The following PCDH19 variants were observed in gnomAD, a reference collection of about 807,000 sequenced individuals.
PCDH19 encodes protocadherin 19.
A neutral mutation model predicts 46.2 loss-of-function variants in PCDH19; 6 were observed. The observed-to-expected ratio is 0.13, with a 90% CI of 0.07 to 0.26. The LOEUF is 0.26. Among genes scored for constraint, PCDH19 ranks in the 10% least tolerant of loss-of-function variants. The pLI is 1.00. For missense variants in PCDH19, 740 were observed against 972.3 expected (o/e 0.76, Z 3.18); for synonymous variants, 481 against 415.7 (o/e 1.16, Z -1.91).
intron 5 of PCDH19, among the ~76,000 whole-genome samples, chrX:100,314,591 T>C (rs1925239218): frequency 8.9e-6 from 1 of 111,758 alleles, no homozygotes; most frequent in African/African-American, 3.2e-5. Context: ...GCTCTTGAAC[T>C]CTCCTGAGAG....
Position 100,408,787 on chromosome X carries a change from G to A in PCDH19, c.-190C>T, listed in dbSNP as rs1306566259. The stretch of plus-strand genomic sequence containing the variant: ...ACACCCGCGGCGGCTCCAATGCTGA[G>A]GTTGCGGCGGACGCGGCGGGGGCTC... On this transcript the variant is annotated 5_prime_UTR_variant, in exon 1 of 6. Coordinates refer to ENST00000373034, the MANE Select transcript of PCDH19 (RefSeq NM_001184880.2). 3 of 175,895 alleles carry A rather than the reference G, an allele frequency of 1.7e-5. No individual in the cohort carries two copies. The highest frequency in any genetic ancestry group is 3.1e-5 in the Non-Finnish European group (3 of 97,084). 14.5% of individuals were successfully genotyped at this position (175,895 alleles called of 1,213,427 possible).
At chrX:100,406,421 C>A (rs753752095) in intron 1 of PCDH19, 30 bp downstream of exon 1, 1 of 1,089,917 alleles carries the variant, frequency 9.2e-7, no homozygotes, top group East Asian at 3.1e-5. Context: ...CCTTATTCAT[C>A]CAAGACAAAG....
At chrX:100,365,289 A>G (rs1927038299) in intron 3 of PCDH19, among the ~76,000 whole-genome samples, 1 of 111,352 alleles carries the variant, frequency 9.0e-6, no homozygotes, top group African/African-American at 3.3e-5. Flanking sequence ...TGGCAGAGTC[A>G]GAGCAAGAAC....
At chrX:100,322,866 T>TATATATATA (rs1491391280) in intron 5 of PCDH19, among the ~76,000 whole-genome samples, 4 of 36,854 alleles carry the variant, frequency 1.1e-4, no homozygotes, top group South Asian at 7.2e-4. Flanking sequence ...TATATATATA[T>TATATATATA]TTTTGCAGCT....
intron 4 of PCDH19, among the ~76,000 whole-genome samples, chrX:100,344,304 C>A (rs1303655862): frequency 8.9e-6 from 1 of 112,188 alleles, no homozygotes; most frequent in African/African-American, 3.2e-5. Flanking sequence ...AATTATCTTA[C>A]AGTTCTTTTA....
At chrX:100,322,976 A>T (rs1357941887) in intron 5 of PCDH19, among the ~76,000 whole-genome samples, 1 of 106,049 alleles carries the variant, frequency 9.4e-6, no homozygotes, top group Non-Finnish European at 1.9e-5. Context: ...GTATCCGGAA[A>T]CTTTGCTGAA....
chrX:100,395,455 T>C (rs910284047), intron 3 of PCDH19, among the ~76,000 whole-genome samples: 37 of 112,615 alleles, frequency 3.3e-4, no homozygotes, highest in Non-Finnish European at 6.6e-4. Flanking sequence ...GTCAGGTTTT[T>C]CATTATGTGA....
At chrX:100,342,371 C>T (rs1286449187) in intron 4 of PCDH19, among the ~76,000 whole-genome samples, 1 of 112,286 alleles carries the variant, frequency 8.9e-6, no homozygotes, top group Non-Finnish European at 1.9e-5. Flanking sequence ...AGAATGTCAT[C>T]ATTTCAGAAG....
chrX:100,388,277 ATATT>A (rs1356922477), intron 3 of PCDH19, among the ~76,000 whole-genome samples: 4 of 109,170 alleles, frequency 3.7e-5, no homozygotes, highest in Admixed American at 9.9e-5. Flanking sequence ...TATATTATAT[ATATT>A]TATATATTGT....
chrX:100,354,598 C>A (rs943087055), intron 3 of PCDH19, among the ~76,000 whole-genome samples: 2 of 111,995 alleles, frequency 1.8e-5, no homozygotes, highest in South Asian at 3.7e-4. Flanking sequence ...TAGAAGATGT[C>A]ATTTCTTTTG....
chrX:100,389,380 A>AG (rs1225868952), intron 3 of PCDH19, among the ~76,000 whole-genome samples: 1 of 91,846 alleles, frequency 1.1e-5, no homozygotes, highest in African/African-American at 4.5e-5. Context: ...GGTGGTTGCC[A>AG]GGGGTTGTGG....
intron 5 of PCDH19, among the ~76,000 whole-genome samples, chrX:100,316,145 G>T (rs2147462439): frequency 8.9e-6 from 1 of 111,963 alleles, no homozygotes; most frequent in East Asian, 2.8e-4. Context: ...TTCTGTTCTT[G>T]AACACTTTCC....
At chrX:100,394,974 G>A (rs1180128065) in intron 3 of PCDH19, among the ~76,000 whole-genome samples, 5 of 100,809 alleles carry the variant, frequency 5.0e-5, no homozygotes, top group South Asian at 4.6e-4. Context: ...TGCAAGCTCC[G>A]CCTCCCGGGT....
chrX:100,378,961 A>T (rs5967125), intron 3 of PCDH19, among the ~76,000 whole-genome samples: 3 of 110,125 alleles, frequency 2.7e-5, no homozygotes, highest in African/African-American at 9.9e-5. Context: ...AACATGGATC[A>T]CTCTCTGCAG....
At chrX:100,333,553 T>C (rs1271839301) in intron 5 of PCDH19, among the ~76,000 whole-genome samples, 1 of 111,946 alleles carries the variant, frequency 8.9e-6, no homozygotes, top group Non-Finnish European at 1.9e-5. Context: ...TGGACCATTT[T>C]TGCTGTTGGG....
intron 5 of PCDH19, among the ~76,000 whole-genome samples, chrX:100,306,591 A>C (rs1924952600): frequency 8.9e-6 from 1 of 111,868 alleles, no homozygotes; most frequent in African/African-American, 3.2e-5. Context: ...AAATTGAAAC[A>C]AAAGAAATAA....
intron 3 of PCDH19, among the ~76,000 whole-genome samples, chrX:100,399,161 CAATG>C (rs1928106869): frequency 9.0e-6 from 1 of 111,421 alleles, no homozygotes; most frequent in Non-Finnish European, 1.9e-5. Context: ...ATATAAAGAA[CAATG>C]TAAGTAACAT....
At chrX:100,298,256 G>A (rs1434387651) in intron 5 of PCDH19, among the ~76,000 whole-genome samples, 2 of 111,306 alleles carry the variant, frequency 1.8e-5, no homozygotes, top group Non-Finnish European at 3.8e-5. Context: ...CAAGGCAGAG[G>A]GCTCAAGGAA....
chrX:100,333,164 AG>A (rs1569294636), intron 5 of PCDH19, among the ~76,000 whole-genome samples: 5 of 47,543 alleles, frequency 1.1e-4, no homozygotes, highest in African/African-American at 1.3e-4. Context: ...GAAGGAAGGA[AG>A]GAAGGAAGGG....
Sources: allele counts gnomAD v4.1 joint callset (sites outside exome capture counted in the v4.1 genomes callset), GRCh38; gene constraint gnomAD v4.1.1; transcripts MANE v1.5; gene names NCBI Gene and HGNC (gene_info 2026-07-23, HGNC 2026-07-21).